The following PNKP variants were observed in gnomAD, a reference collection of about 807,000 sequenced individuals.
The protein encoded by PNKP is polynucleotide kinase 3'-phosphatase, also known as bifunctional polynucleotide phosphatase/kinase.
A neutral mutation model predicts 66.2 loss-of-function variants in PNKP; 82 were observed. That is an observed-to-expected ratio of 1.24 (90% CI 1.04 to 1.49). PNKP has a LOEUF of 1.49. PNKP is among the 40% of genes most tolerant of loss of function. The pLI, the probability that PNKP is intolerant of heterozygous loss-of-function variation, is 0.00. For synonymous variants in PNKP, 412 were observed against 298.9 expected, an observed-to-expected ratio of 1.38 and a Z score of -3.90; for missense variants, 907 against 706.8, an observed-to-expected ratio of 1.28 and a Z score of -3.21.
chr19:49,866,122 C>T (rs1050592677), intron 3 of PNKP: 1 of 483,722 alleles, frequency 2.1e-6, no homozygotes, highest in Non-Finnish European at 3.8e-6. Context: ...AAGGGATCCT[C>T]CCGCTTCAGC....
chr19:49,862,329 A>T, intron 11 of PNKP, 42 bp downstream of exon 11: 1 of 1,480,350 alleles, frequency 6.8e-7, no homozygotes, highest in Non-Finnish European at 9.2e-7. Context: ...CATCCCCGGG[A>T]GCCCTCCCAT....
chr19:49,861,769 T>TACCTGGCGC lies in PNKP; in HGVS notation c.1292_1298+2dup. ...GCCACCTACGGCCCCGCGGTCACGCTACCTGGCGCGGCTCGCGGCGTCTGG... is the reference window on the plus strand; with the variant it reads ...GCCACCTACGGCCCCGCGGTCACGCTACCTGGCGCACCTGGCGCGGCTCGCGGCGTCTGG... On this transcript the variant is annotated splice_region_variant and intron_variant, in intron 14 of 16. Transcript: ENST00000322344. The TACCTGGCGC allele has an allele frequency of 1.9e-6, 3 of 1,568,886 alleles. No homozygotes were observed. The highest frequency in any genetic ancestry group is 2.6e-6 in the Non-Finnish European group (3 of 1,157,744).
In PNKP at chr19:49,862,268, C is replaced by G. The variant is rs781551273; in HGVS notation, c.1043G>C (p.Arg348Pro). 5 of 1,601,358 alleles carry G rather than the reference C, an allele frequency of 3.1e-6. No individual in the cohort carries two copies. The highest frequency in any genetic ancestry group is 8.5e-7 in the Non-Finnish European group (1 of 1,174,300). The change falls in exon 12 of 17, where the codon CGC becomes CCC. Residue 348 changes from arginine (R) to proline (P), a missense_variant. Transcript: ENST00000322344. Reference protein sequence around the residue: ...LPAFDPRTVSRSGPLCLPESR... With the variant: ...LPAFDPRTVSPSGPLCLPESR... ...CTCGGGGAGGCAGAGAGGCCCTGAGCGGGAGACAGTCCTCTGCGAGGGGCG... is the reference window on the plus strand; with the variant it reads ...CTCGGGGAGGCAGAGAGGCCCTGAGGGGGAGACAGTCCTCTGCGAGGGGCG...
chr19:49,865,513 T>A (rs2074812163), intron 3 of PNKP, 87 bp from the exon 4 acceptor site: 1 of 920,866 alleles, frequency 1.1e-6, no homozygotes, highest in Admixed American at 2.0e-5. Context: ...AAATCAGCCC[T>A]TCTCCACCAC....
rs546295476 is a variant in PNKP, at chr19:49,867,301, A to G, written c.-13-84T>C. The G allele has an allele frequency of 5.6e-4, 776 of 1,388,160 alleles. 13 individuals carry two copies. In the East Asian group the frequency reaches 0.019, roughly 33 times the overall value. The allele number at this position is 1,388,160 out of a possible 1,614,324, so 86.0% of individuals were successfully genotyped here. On this transcript the variant is annotated intron_variant, in intron 1 of 16. Coordinates refer to ENST00000322344, the MANE Select transcript of PNKP (RefSeq NM_007254.4). Reference sequence around the variant, plus strand: ...CCGCCTCCTCCCACATCCACTAGAAAGTTTCCCCACCATTAACTGCTCCGG... The same window carrying G: ...CCGCCTCCTCCCACATCCACTAGAAGGTTTCCCCACCATTAACTGCTCCGG...
At chr19:49,863,468 C>T (rs1371357754) in intron 8 of PNKP, among the ~76,000 whole-genome samples, 8 of 152,338 alleles carry the variant, frequency 5.3e-5, no homozygotes, top group South Asian at 2.1e-4. Context: ...CACACACAAA[C>T]GAATGAACGA....
At chr19:49,862,783 C>T (rs375443955) in intron 8 of PNKP, 45 bp from the exon 9 acceptor site, 1 of 1,607,794 alleles carries the variant, frequency 6.2e-7, no homozygotes, top group South Asian at 1.1e-5. Flanking sequence ...AAATGTCCCC[C>T]CGCAGCGGTA....
In PNKP at chr19:49,865,154, G is replaced by T. The variant is rs200494995; in HGVS notation, c.471C>A (p.Thr157=). Residue 157 remains threonine (T), a synonymous_variant, in exon 4 of 17, where the codon ACC becomes ACA. Coordinates refer to ENST00000322344, the MANE Select transcript of PNKP (RefSeq NM_007254.4). ...WENLEKLLVF[T]AAGVKPQGKV... ...TGCCCTGGGGTTTCACCCCAGCTGC[G>T]GTGAACACTAGCAACTTCTCCAAGT... 1.9e-6 allele frequency: 3 copies of T among 1,614,082 alleles called. No individual in the cohort carries two copies. The highest frequency in any genetic ancestry group is 2.5e-6 in the Non-Finnish European group (3 of 1,180,008).
At chr19:49,865,601 CT>C (rs749242089) in intron 3 of PNKP, 175 bp from the exon 4 acceptor site, 19,589 of 314,046 alleles carry the variant, frequency 0.062, 14 homozygotes, top group East Asian at 0.073. Context: ...TTGTCCGAAT[CT>C]TTTTTTTTTT....
chr19:49,866,967 G>A, intron 2 of PNKP, 87 bp downstream of exon 2: 1 of 1,344,982 alleles, frequency 7.4e-7, no homozygotes, highest in African/African-American at 1.4e-5. Flanking sequence ...CTGCACCACT[G>A]CAATCCCGCG....
At position 49,866,768 on chromosome 19, in the gene PNKP, AT is replaced by A. The variant is rs375032941; in HGVS notation, c.151+285del. 885 of 592,502 alleles carry A rather than the reference AT, an allele frequency of 1.5e-3. 9 individuals are homozygous for A. The highest frequency in any genetic ancestry group is 0.014 in the African/African-American group (739 of 53,870). 36.7% of individuals were successfully genotyped at this position (592,502 alleles called of 1,614,324 possible). A position where few individuals can be genotyped will look rare whatever the true frequency, so the allele number is the denominator to read the frequency against. On this transcript the variant is annotated intron_variant, in intron 2 of 16. Coordinates refer to ENST00000322344, the MANE Select transcript of PNKP (RefSeq NM_007254.4). ...GACATTTACTTTTCTCCACAGGATC[AT>A]TTTTCTCTTGACGAAGGTCGTCGCC...
At position 49,861,762 on chromosome 19, in the gene PNKP, G is replaced by A. The variant is rs1411602556; in HGVS notation, c.1298+10C>T. On this transcript the variant is annotated intron_variant, in intron 14 of 16. Transcript: ENST00000322344. ...GCCGCAGGCCACCTACGGCCCCGCG[G>A]TCACGCTACCTGGCGCGGCTCGCGG... 3 of 1,564,196 alleles carry A rather than the reference G, an allele frequency of 1.9e-6. No homozygotes were observed. Among genetic ancestry groups the A allele is most frequent in the Non-Finnish European group, 2.6e-6 (3 of 1,155,620 alleles).
rs746555608 is a variant in PNKP at position 49,861,924 on chromosome 19, G to C, written c.1189-43C>G. On this transcript the variant is annotated intron_variant, in intron 13 of 16. Coordinates refer to ENST00000322344, the MANE Select transcript of PNKP (RefSeq NM_007254.4). ...CACAAACAGATCGGCAGACCCAGGG[G>C]GAGAGAAGACCCCGAGCGGGGACGG... 3.2e-6 allele frequency: 5 copies of C among 1,581,062 alleles called. No homozygotes were observed. In the South Asian group the frequency reaches 5.6e-5, roughly 18 times the overall value.
chr19:49,862,021 G>A, intron 13 of PNKP, 23 bp downstream of exon 13: 1 of 1,613,450 alleles, frequency 6.2e-7, no homozygotes, highest in Non-Finnish European at 8.5e-7. Flanking sequence ...AATAGATTTG[G>A]GGCGGCAAAA....
rs931986172 is a variant in PNKP, at chr19:49,867,302, G to C, written c.-13-85C>G. 221 of 1,385,676 alleles carry C rather than the reference G, an allele frequency of 1.6e-4. 2 individuals carry two copies. In the Middle Eastern group the frequency reaches 3.3e-3, roughly 20 times the overall value. The allele number at this position is 1,385,676 out of a possible 1,614,324, so 85.8% of individuals were successfully genotyped here. On this transcript the variant is annotated intron_variant, in intron 1 of 16. Coordinates refer to ENST00000322344, the MANE Select transcript of PNKP (RefSeq NM_007254.4). ...CGCCTCCTCCCACATCCACTAGAAAGTTTCCCCACCATTAACTGCTCCGGA... is the reference window on the plus strand; with the variant it reads ...CGCCTCCTCCCACATCCACTAGAAACTTTCCCCACCATTAACTGCTCCGGA...
At chr19:49,861,740 G>T in intron 14 of PNKP, 32 bp downstream of exon 14, 1 of 1,554,758 alleles carries the variant, frequency 6.4e-7, no homozygotes, top group Non-Finnish European at 8.7e-7. Flanking sequence ...CCACCCCGCC[G>T]CAGGCCACCT....
In PNKP at chr19:49,862,099, T is replaced by C; in HGVS notation, c.1133A>G (p.Lys378Arg). ...VVAVGFPGAG[K>R]STFLKKHLVS... ...GAGGTGCTTCTTGAGAAAGGTGGACTTCCCGGCTGTGTGGGGGGCAGTGTC... is the reference window on the plus strand; with the variant it reads ...GAGGTGCTTCTTGAGAAAGGTGGACCTCCCGGCTGTGTGGGGGGCAGTGTC... The change falls in exon 13 of 17, where the codon AAG becomes AGG. Residue 378 changes from lysine (K) to arginine (R), a missense_variant. Transcript: ENST00000322344. 6.2e-7 allele frequency: 1 copy of C among 1,614,112 alleles called. No individual in the cohort carries two copies. Among genetic ancestry groups the C allele is most frequent in the Non-Finnish European group, 8.5e-7 (1 of 1,179,994 alleles).
Position 49,867,524 on chromosome 19 carries a change from G to A in PNKP, c.-69C>T. On this transcript the variant is annotated 5_prime_UTR_variant, in exon 1 of 17. Coordinates refer to ENST00000322344, the MANE Select transcript of PNKP (RefSeq NM_007254.4). ...TCCGACCAGGGAGGTCCTGCCCGAGGTGCCCCGCCTGCAACCCGGCCGGCG... is the reference window on the plus strand; with the variant it reads ...TCCGACCAGGGAGGTCCTGCCCGAGATGCCCCGCCTGCAACCCGGCCGGCG... 1 of 358,858 alleles carries A rather than the reference G, an allele frequency of 2.8e-6. No homozygotes were observed. Among genetic ancestry groups the A allele is most frequent in the Non-Finnish European group, 5.1e-6 (1 of 194,532 alleles). The allele number at this position is 358,858 out of a possible 1,614,324, so 22.2% of individuals were successfully genotyped here.
At chr19:49,866,367 G>A (rs1234381667) in intron 3 of PNKP, 32 bp downstream of exon 3, 5 of 1,602,714 alleles carry the variant, frequency 3.1e-6, no homozygotes, top group East Asian at 2.2e-5. Flanking sequence ...CCCATCCCCA[G>A]GCCTTGCTGG....
Sources: gnomAD v4.1 joint callset for allele counts (sites outside exome capture counted in the v4.1 genomes callset) on GRCh38, gnomAD v4.1.1 for gene constraint, MANE v1.5 for transcripts, NCBI Gene and HGNC (gene_info 2026-07-23, HGNC 2026-07-21) for gene names.